The following CDH18 variants were observed in gnomAD, a reference collection of about 807,000 sequenced individuals.
CDH18 encodes cadherin-18.
Under a neutral mutation model 67.9 loss-of-function variants are expected in CDH18, and 31 were observed. The ratio of observed to expected loss-of-function variants is 0.46; its 90% CI spans 0.34 to 0.62. The LOEUF (loss-of-function observed/expected upper bound fraction) is 0.62. Among genes scored for constraint, CDH18 ranks in the 20% least tolerant of loss-of-function variants. CDH18 has a pLI of 0.01. For missense variants in CDH18, 890 were observed against 975.5 expected, an observed-to-expected ratio of 0.91 and a Z score of 1.17; for synonymous variants, 362 against 347.2, an observed-to-expected ratio of 1.04 and a Z score of -0.48.
At chr5:20,055,990 CTTTTTTTTTTTTTTTTTTT>C (rs34736791) in intron 2 of CDH18, among the ~76,000 whole-genome samples, 2 of 73,790 alleles carry the variant, frequency 2.7e-5, no homozygotes, top group African/African-American at 1.1e-4. Context: ...TTTTGGTTTC[CTTTTTTTTTTTTTTTTTTT>C]TTTTTTTTTT....
intron 5 of CDH18, among the ~76,000 whole-genome samples, chr5:19,696,123 T>C (rs191336046): frequency 3.3e-5 from 5 of 152,296 alleles, no homozygotes; most frequent in Admixed American, 3.3e-4. Flanking sequence ...GTATACTTTA[T>C]TGGCAAAGAT....
chr5:20,088,854 T>C (rs1745190826), intron 2 of CDH18, among the ~76,000 whole-genome samples: 1 of 152,164 alleles, frequency 6.6e-6, no homozygotes, highest in Non-Finnish European at 1.5e-5. Flanking sequence ...AGCTTGTCTA[T>C]TGTCTTTAAT....
At chr5:20,336,312 G>A (rs1307196701) in intron 1 of CDH18, among the ~76,000 whole-genome samples, 4 of 152,260 alleles carry the variant, frequency 2.6e-5, no homozygotes, top group Non-Finnish European at 4.4e-5. Flanking sequence ...GGGCTGGTTA[G>A]GCAGATAGAG....
intron 5 of CDH18, among the ~76,000 whole-genome samples, chr5:19,711,600 C>T (rs1764712906): frequency 6.9e-6 from 1 of 145,250 alleles, no homozygotes; most frequent in Non-Finnish European, 1.5e-5. Context: ...TAAATTAAAA[C>T]CACAATGGAA....
At chr5:20,280,698 T>C (rs1222390576) in intron 1 of CDH18, among the ~76,000 whole-genome samples, 1 of 152,186 alleles carries the variant, frequency 6.6e-6, no homozygotes, top group Admixed American at 6.6e-5. Flanking sequence ...AGCAGCATGA[T>C]TTATAATCCT....
chr5:19,528,729 C>T (rs1225951474), intron 9 of CDH18, among the ~76,000 whole-genome samples: 2 of 151,818 alleles, frequency 1.3e-5, no homozygotes, highest in Non-Finnish European at 2.9e-5. Flanking sequence ...AAGATTCTTT[C>T]AAAACACTAA....
At chr5:20,241,861 A>T (rs866744333) in intron 2 of CDH18, among the ~76,000 whole-genome samples, 5,100 of 127,230 alleles carry the variant, frequency 0.04, 332 homozygotes, top group African/African-American at 0.14. Flanking sequence ...CAAAAAAAAA[A>T]AAAATAAAAT....
intron 12 of CDH18, among the ~76,000 whole-genome samples, chr5:19,482,093 C>A (rs1739525040): frequency 6.6e-6 from 1 of 151,842 alleles, no homozygotes; most frequent in African/African-American, 2.4e-5. Context: ...ATGAAAATTT[C>A]AAATAAAAAA....
At chr5:19,719,913 G>GA (rs1765821393) in intron 5 of CDH18, among the ~76,000 whole-genome samples, 1 of 121,608 alleles carries the variant, frequency 8.2e-6, no homozygotes, top group Non-Finnish European at 1.9e-5. Context: ...GAGAAAGAAA[G>GA]AAAGAAAGAA....
intron 9 of CDH18, among the ~76,000 whole-genome samples, chr5:19,521,277 G>A (rs1462149939): frequency 2.0e-5 from 3 of 151,964 alleles, no homozygotes; most frequent in Non-Finnish European, 4.4e-5. Context: ...AGTCACGCTC[G>A]GGGAAAAATA....
intron 1 of CDH18, among the ~76,000 whole-genome samples, chr5:20,361,714 G>A (rs1265957589): frequency 2.0e-5 from 3 of 152,030 alleles, no homozygotes; most frequent in African/African-American, 7.2e-5. Flanking sequence ...TCTTAATACT[G>A]TATCTATATT....
At chr5:19,852,621 G>C in intron 2 of CDH18, among the ~76,000 whole-genome samples, 1 of 151,980 alleles carries the variant, frequency 6.6e-6, no homozygotes, top group East Asian at 1.9e-4. Context: ...TATCTGGATA[G>C]TATAAGCCAT....
At chr5:20,438,282 G>A (rs1034940397) in intron 1 of CDH18, among the ~76,000 whole-genome samples, 2 of 150,686 alleles carry the variant, frequency 1.3e-5, no homozygotes, top group Non-Finnish European at 3.0e-5. Context: ...ATTTGTGTGT[G>A]TGTTTGTGGA....
intron 5 of CDH18, among the ~76,000 whole-genome samples, chr5:19,719,832 T>A (rs1765785107): frequency 6.6e-6 from 1 of 151,368 alleles, no homozygotes; most frequent in Non-Finnish European, 1.5e-5. Context: ...CTACGTTGTT[T>A]TCTTTTTAAG....
intron 6 of CDH18, among the ~76,000 whole-genome samples, chr5:19,593,731 T>TCTTCTTC (rs1745680292): frequency 7.3e-6 from 1 of 137,244 alleles, no homozygotes; most frequent in Admixed American, 7.3e-5. Context: ...TTCTTCTTCT[T>TCTTCTTC]CTTCTTCTTC....
chr5:20,140,541 C>G (rs1427608315), intron 2 of CDH18, among the ~76,000 whole-genome samples: 2 of 151,938 alleles, frequency 1.3e-5, no homozygotes, highest in Non-Finnish European at 2.9e-5. Flanking sequence ...TCTAACTCTC[C>G]AGTCCTGAGG....
chr5:19,850,642 C>T (rs1245742493), intron 2 of CDH18, among the ~76,000 whole-genome samples: 5 of 151,842 alleles, frequency 3.3e-5, no homozygotes, highest in Non-Finnish European at 5.9e-5. Context: ...CTGTGGCAAA[C>T]AGAAAGAAAG....
At chr5:20,392,530 G>T (rs1217379126) in intron 1 of CDH18, among the ~76,000 whole-genome samples, 1 of 151,718 alleles carries the variant, frequency 6.6e-6, no homozygotes, top group Non-Finnish European at 1.5e-5. Context: ...ACTATTCAGT[G>T]CATAAATGAA....
intron 1 of CDH18, among the ~76,000 whole-genome samples, chr5:20,436,088 T>C (rs1355525887): frequency 6.6e-6 from 1 of 152,038 alleles, no homozygotes; most frequent in East Asian, 1.9e-4. Flanking sequence ...TTACATATGT[T>C]GCTTAAATCA....
Sources: gnomAD v4.1 joint callset for allele counts (sites outside exome capture counted in the v4.1 genomes callset) on GRCh38, gnomAD v4.1.1 for gene constraint, MANE v1.5 for transcripts, NCBI Gene and HGNC (gene_info 2026-07-23, HGNC 2026-07-21) for gene names.